The following RIPOR2 variants were observed in gnomAD, a reference collection of about 807,000 sequenced individuals.
The protein encoded by RIPOR2 is RHO family interacting cell polarization regulator 2, also known as rho family-interacting cell polarization regulator 2.
Under a neutral mutation model 114.5 loss-of-function variants are expected in RIPOR2, and 39 were observed. That is an observed-to-expected ratio of 0.34 (90% CI 0.26 to 0.44). The LOEUF (loss-of-function observed/expected upper bound fraction) is 0.44, where lower values mean the gene tolerates loss of function less well. RIPOR2 is among the 20% of genes least tolerant of loss of function. The probability of loss-of-function intolerance (pLI) is 1.00; values close to 1 mark genes in which losing one functional copy is unlikely to be tolerated. For missense variants in RIPOR2, 1,007 were observed against 1,255.1 expected (o/e 0.80, Z 2.99); for synonymous variants, 445 against 484.4 (o/e 0.92, Z 1.07).
Position 24,848,068 on chromosome 6 carries a change from T to C in RIPOR2, c.1121A>G (p.Gln374Arg). 2 of 1,613,966 alleles carry C rather than the reference T, an allele frequency of 1.2e-6. No homozygotes were observed. Among genetic ancestry groups the C allele is most frequent in the Non-Finnish European group, 1.7e-6 (2 of 1,179,858 alleles). The change falls in exon 12 of 22, where the codon CAG (glutamine) becomes CGG (arginine). Residue 374 changes from glutamine to arginine, a missense_variant. Coordinates refer to ENST00000643898, the MANE Select transcript of RIPOR2 (RefSeq NM_001286445.3). ...GAAGGTGGGCGTTTCCGGGGTACCC[T>C]GGCTGTACATGGACATTCTCCTCTG... ...ALQRRMSMYS[Q>R]GTPETPTFKD...
At chr6:25,001,736 G>T in intron 1 of RIPOR2, among the ~76,000 whole-genome samples, 1 of 116,648 alleles carries the variant, frequency 8.6e-6, no homozygotes, top group African/African-American at 3.4e-5. Flanking sequence ...GTCTCGCTCT[G>T]TCGCCCAGGC....
intron 5 of RIPOR2, among the ~76,000 whole-genome samples, 168 bp downstream of exon 5, chr6:24,870,697 AG>A (rs1765074880): frequency 6.6e-6 from 1 of 152,144 alleles, no homozygotes; most frequent in Non-Finnish European, 1.5e-5. Flanking sequence ...ATTTTTTGGT[AG>A]AGATGGGATT....
chr6:24,946,737 T>A (rs1428514843), intron 1 of RIPOR2, among the ~76,000 whole-genome samples: 2 of 152,040 alleles, frequency 1.3e-5, no homozygotes, highest in African/African-American at 4.8e-5. Flanking sequence ...CTGCAGGAGG[T>A]AGGCTTCGCA....
rs558286098 is a variant in RIPOR2, at chr6:24,840,589, T to C, written c.1858-1317A>G. 16 of 1,493,954 alleles carry C rather than the reference T, an allele frequency of 1.1e-5. No homozygotes were observed. In the East Asian group the frequency reaches 3.7e-4, roughly 35 times the overall value. 92.5% of individuals were successfully genotyped at this position (1,493,954 alleles called of 1,614,324 possible). A position where few individuals can be genotyped will look rare whatever the true frequency, so the allele number is the denominator to read the frequency against. On this transcript the variant is annotated intron_variant, in intron 13 of 21. Coordinates refer to ENST00000643898, the MANE Select transcript of RIPOR2 (RefSeq NM_001286445.3). Reference sequence around the variant, plus strand: ...CCTCCATCCAGTTAGGTGACACTCCTTGCTGATTTCTTAGCGCAAGGTAGG... The same window carrying C: ...CCTCCATCCAGTTAGGTGACACTCCCTGCTGATTTCTTAGCGCAAGGTAGG...
intron 1 of RIPOR2, among the ~76,000 whole-genome samples, chr6:24,977,767 G>A (rs4712868): frequency 2.0e-5 from 3 of 152,122 alleles, no homozygotes; most frequent in Admixed American, 2.0e-4. Flanking sequence ...TATTCAGGAT[G>A]TAAAAGTTTT....
intron 1 of RIPOR2, among the ~76,000 whole-genome samples, chr6:25,009,483 G>A (rs573678738): frequency 1.9e-4 from 29 of 152,146 alleles, no homozygotes; most frequent in Non-Finnish European, 3.2e-4. Context: ...CAATGAATTC[G>A]TAGGAAATGT....
At chr6:24,864,123 G>A (rs1015284882) in intron 7 of RIPOR2, among the ~76,000 whole-genome samples, 3 of 152,168 alleles carry the variant, frequency 2.0e-5, no homozygotes, top group African/African-American at 4.8e-5. Flanking sequence ...CCAACGTATA[G>A]TAAAACTCCG....
At chr6:24,987,601 T>C (rs1774589861) in intron 1 of RIPOR2, among the ~76,000 whole-genome samples, 1 of 152,176 alleles carries the variant, frequency 6.6e-6, no homozygotes, top group Non-Finnish European at 1.5e-5. Context: ...TTAAGATGCT[T>C]ACAACAGGGT....
chr6:24,994,789 TC>T (rs1179729430), intron 1 of RIPOR2, among the ~76,000 whole-genome samples: 1 of 152,080 alleles, frequency 6.6e-6, no homozygotes, highest in Non-Finnish European at 1.5e-5. Context: ...ACTCCAAGCA[TC>T]CTAATTTGGT....
rs191851787 is a variant in RIPOR2 at position 25,011,774 on chromosome 6, A to C, written c.76+30077T>G. Reference sequence around the variant, plus strand: ...CCAAATGTCAAAGCTAAAACTATAAAACTCTTAGAGGAATCTGCAGGAGTA... The same window carrying C: ...CCAAATGTCAAAGCTAAAACTATAACACTCTTAGAGGAATCTGCAGGAGTA... On this transcript the variant is annotated intron_variant, in intron 1 of 13. Coordinates refer to the RIPOR2 transcript ENST00000510784. 2.0e-5 allele frequency among the ~76,000 whole-genome samples: 3 copies of C among 152,358 alleles called. No individual in the cohort carries two copies. The East Asian group carries it at 5.8e-4, about 29-fold the overall frequency.
At chr6:24,944,064 C>T (rs1345782227) in intron 1 of RIPOR2, among the ~76,000 whole-genome samples, 1 of 152,116 alleles carries the variant, frequency 6.6e-6, no homozygotes, top group Non-Finnish European at 1.5e-5. Context: ...ATGAGATGCC[C>T]ATAGGAGACT....
At chr6:24,899,157 G>A (rs1768172271) in intron 1 of RIPOR2, among the ~76,000 whole-genome samples, 1 of 151,946 alleles carries the variant, frequency 6.6e-6, no homozygotes, top group African/African-American at 2.4e-5. Context: ...AAGGTTCAGG[G>A]ACAATGTGGG....
intron 10 of RIPOR2, 70 bp downstream of exon 10, chr6:24,850,527 G>A (rs571823487): frequency 3.2e-6 from 5 of 1,581,838 alleles, no homozygotes; most frequent in Middle Eastern, 1.7e-4. Flanking sequence ...GGGGTCACGG[G>A]TAAGGGCCCC....
intron 1 of RIPOR2, among the ~76,000 whole-genome samples, chr6:24,894,591 A>C (rs1005768645): frequency 6.6e-6 from 1 of 152,218 alleles, no homozygotes; most frequent in African/African-American, 2.4e-5. Context: ...AAACATCATC[A>C]ATCAGTACAA....
intron 8 of RIPOR2, 55 bp downstream of exon 8, chr6:24,860,918 G>GCCAT: frequency 8.7e-7 from 1 of 1,155,544 alleles, no homozygotes; most frequent in Non-Finnish European, 1.3e-6. Flanking sequence ...ACTTCAAGGA[G>GCCAT]CTCTGCACTC....
chr6:24,823,434 G>T (rs539416665), intron 19 of RIPOR2, among the ~76,000 whole-genome samples: 1 of 152,294 alleles, frequency 6.6e-6, no homozygotes, highest in South Asian at 2.1e-4. Context: ...ACAGCTAAGT[G>T]ATGCTGCACG....
chr6:25,019,634 C>T (rs368660518), intron 1 of RIPOR2, among the ~76,000 whole-genome samples: 6 of 150,588 alleles, frequency 4.0e-5, no homozygotes, highest in Non-Finnish European at 7.4e-5. Flanking sequence ...GTTAGCCGGG[C>T]GTGGTGGCAC....
chr6:24,888,899 A>G (rs1307890653), intron 1 of RIPOR2, among the ~76,000 whole-genome samples: 2 of 152,254 alleles, frequency 1.3e-5, no homozygotes, highest in African/African-American at 2.4e-5. Context: ...GTAATGTTCT[A>G]TGATCACGGC....
chr6:24,926,932 A>T (rs144787838), intron 1 of RIPOR2, among the ~76,000 whole-genome samples: 36,405 of 143,490 alleles, frequency 0.25, 4,759 homozygotes, highest in Non-Finnish European at 0.29. Context: ...CATCACCACC[A>T]CCACCATGAT....
Sources: allele counts gnomAD v4.1 joint callset (sites outside exome capture counted in the v4.1 genomes callset), GRCh38; gene constraint gnomAD v4.1.1; transcripts MANE v1.5; gene names NCBI Gene and HGNC (gene_info 2026-07-23, HGNC 2026-07-21).